The following PSG1 variants were observed in gnomAD, a reference collection of about 807,000 sequenced individuals.
The protein encoded by PSG1 is pregnancy-specific beta-1-glycoprotein 1.
PSG1 carries 60 observed loss-of-function variants against 41.4 expected under a neutral mutation model. The observed-to-expected ratio is 1.45, with a 90% CI of 1.18 to 1.80. The LOEUF (loss-of-function observed/expected upper bound fraction) is 1.80. Among genes scored for constraint, PSG1 ranks in the 40% most tolerant of loss-of-function variants. The probability of loss-of-function intolerance (pLI) is 0.00; values close to 1 mark genes in which losing one functional copy is unlikely to be tolerated. For missense variants in PSG1, 806 were observed against 516.9 expected, an observed-to-expected ratio of 1.56 and a Z score of -5.42; for synonymous variants, 256 against 192.9, an observed-to-expected ratio of 1.33 and a Z score of -2.71.
intron 2 of PSG1, among the ~76,000 whole-genome samples, chr19:42,873,342 G>A (rs1300134697): frequency 6.6e-6 from 1 of 151,666 alleles, no homozygotes; most frequent in African/African-American, 2.4e-5. Context: ...CTTCTTTTTA[G>A]CATCACATCA....
intron 3 of PSG1, 79 bp from the exon 4 acceptor site, chr19:42,869,113 A>G (rs955342735): frequency 6.3e-6 from 10 of 1,577,738 alleles, no homozygotes; most frequent in African/African-American, 1.4e-5. Context: ...CAGAGTTGGC[A>G]TCTCCCACCT....
chr19:42,868,929 A>G lies in PSG1; in HGVS notation c.815T>C (p.Ile272Thr), dbSNP rs140160829. 4.4e-3 allele frequency: 7,011 copies of G among 1,610,276 alleles called. 333 individuals are homozygous for G. The African/African-American group carries it at 0.082, about 19-fold the overall frequency. The change falls in exon 4 of 6, where the codon ATT becomes ACT. Residue 272 changes from isoleucine to threonine, a missense_variant. By Grantham distance (89) the Ile-to-Thr change is moderately conservative. Coordinates refer to ENST00000436291, the MANE Select transcript of PSG1 (RefSeq NM_001184825.2). ...GAGGCTCTGACCATTTAGCCACCAA[A>G]TGTAGGTGTAGTTCTCACTCTTAGG... ...CEPKSENYTY[I>T]WWLNGQSLPV...
intron 5 of PSG1, 53 bp from the exon 6 acceptor site, chr19:42,867,203 A>G: frequency 1.3e-6 from 1 of 764,866 alleles, no homozygotes; most frequent in Non-Finnish European, 2.4e-6. Flanking sequence ...GCAGTCTCAT[A>G]ACAGGTATAC....
At chr19:42,877,816 A>T (rs1302809613) in intron 2 of PSG1, 97 bp downstream of exon 2, 1 of 1,599,658 alleles carries the variant, frequency 6.3e-7, no homozygotes, top group East Asian at 2.2e-5. Flanking sequence ...TAACGCAGTG[A>T]GTGACACAGG....
intron 3 of PSG1, chr19:42,870,074 G>A (rs1171930825): frequency 1.3e-5 from 2 of 151,696 alleles, no homozygotes; most frequent in Non-Finnish European, 2.9e-5. Context: ...TGGTTGTCAG[G>A]AGCTGGGAGT....
At chr19:42,867,593 C>G in intron 5 of PSG1, 1 of 666,988 alleles carries the variant, frequency 1.5e-6, no homozygotes, top group Non-Finnish European at 2.7e-6. Flanking sequence ...ACAAAGAAAG[C>G]AGATTGTTAC....
At position 42,871,795 on chromosome 19, in the gene PSG1, G is replaced by A. The variant is rs1971397247; in HGVS notation, c.681C>T (p.Arg227=). ...GGAGATTCAGGGTGACTGGGTCACT[G>A]CGGCTGGCACTCACTGGGTTCCGTA... ...CEIRNPVSAS[R]SDPVTLNLLP... Residue 227 remains arginine, a synonymous_variant, in exon 3 of 6, where the codon CGC becomes CGT. Coordinates refer to ENST00000436291, the MANE Select transcript of PSG1 (RefSeq NM_001184825.2). 1 of 1,612,622 alleles carries A rather than the reference G, an allele frequency of 6.2e-7. No individual in the cohort carries two copies. The highest frequency in any genetic ancestry group is 8.5e-7 in the Non-Finnish European group (1 of 1,179,248).
intron 5 of PSG1, chr19:42,867,787 A>G (rs945824217): frequency 2.7e-6 from 3 of 1,103,076 alleles, no homozygotes; most frequent in African/African-American, 3.2e-5. Flanking sequence ...CAATGTAGAA[A>G]ACAAACCATT....
chr19:42,870,032 T>A (rs552267086), intron 3 of PSG1: 1 of 151,720 alleles, frequency 6.6e-6, no homozygotes, highest in South Asian at 2.1e-4. Context: ...CTCATGTAAG[T>A]GGATTCCAGA....
In PSG1 at chr19:42,874,409, T is replaced by C. The variant is rs993376320; in HGVS notation, c.431-2364A>G. On this transcript the variant is annotated intron_variant, in intron 2 of 5. Transcript: ENST00000436291. ...TCACCCCGGCTGCAGTGCAGTGGCA[T>C]GATCTCAGCTCACTGCAAGCTCTGC... is the stretch of plus-strand genomic sequence containing the variant. Among the ~76,000 whole-genome samples the C allele has an allele frequency of 1.6e-4, 24 of 151,612 alleles. 1 individual carries two copies. In the South Asian group the frequency reaches 4.2e-3, roughly 27 times the overall value.
At chr19:42,870,337 T>A (rs1426801912) in intron 3 of PSG1, 1 of 151,762 alleles carries the variant, frequency 6.6e-6, no homozygotes, top group African/African-American at 2.4e-5. Context: ...GCATTTCTTT[T>A]CAGCATCAGA....
At position 42,868,968 on chromosome 19, in the gene PSG1, T is replaced by C; in HGVS notation, c.776A>G (p.Asn259Ser). Residue 259 changes from asparagine (N) to serine (S), a missense_variant, in exon 4 of 6, where the codon AAC becomes AGC. Coordinates refer to ENST00000436291, the MANE Select transcript of PSG1 (RefSeq NM_001184825.2). Reference sequence around the variant, plus strand: ...CTCACTCTTAGGTTCACAGGTGAAGTTTAAGACATCCTTATTCTCCCTGGG... The same window carrying C: ...CTCACTCTTAGGTTCACAGGTGAAGCTTAAGACATCCTTATTCTCCCTGGG... Reference protein sequence around the residue: ...LNPRENKDVLNFTCEPKSENY... With the variant: ...LNPRENKDVLSFTCEPKSENY... The C allele has an allele frequency of 6.2e-7, 1 of 1,610,192 alleles. No homozygotes were observed. The highest frequency in any genetic ancestry group is 8.5e-7 in the Non-Finnish European group (1 of 1,178,910).
rs1058960 is a variant in PSG1 at position 42,877,970 on chromosome 19, T to C, written c.373A>G (p.Ile125Val). The change falls in exon 2 of 6, where the codon ATA becomes GTA. Residue 125 changes from isoleucine (I) to valine (V), a missense_variant. Ile to Val is a conservative substitution (Grantham distance 29). Coordinates refer to ENST00000436291, the MANE Select transcript of PSG1 (RefSeq NM_001184825.2). ...EDAGSYTLHI[I>V]KGDDGTRGVT... Reference sequence around the variant, plus strand: ...CCTCTAGTCCCATCATCTCCCTTTATGATGTGTAAGGTGTAGGATCCTGCG... The same window carrying C: ...CCTCTAGTCCCATCATCTCCCTTTACGATGTGTAAGGTGTAGGATCCTGCG... The C allele has an allele frequency of 6.2e-7, 1 of 1,612,432 alleles. No individual in the cohort carries two copies.
chr19:42,868,283 C>T lies in PSG1; in HGVS notation c.1061G>A (p.Cys354Tyr), dbSNP rs1361059450. 3.1e-6 allele frequency: 5 copies of T among 1,612,218 alleles called. No homozygotes were observed. The highest frequency in any genetic ancestry group is 1.7e-4 in the Middle Eastern group (1 of 6,056). The part of the protein sequence containing the change: ...YRSGEVLYLS[C>Y]SADSNPPAQY... ...TGCCGGTGGGTTAGAGTCCGCAGAA[C>T]AGGACAAGTAGAGGACTTCTCCTGA... The change falls in exon 5 of 6, where the codon TGT becomes TAT. Residue 354 changes from cysteine to tyrosine, a missense_variant. Coordinates refer to ENST00000436291, the MANE Select transcript of PSG1 (RefSeq NM_001184825.2).
rs749544954 is a variant in PSG1 at position 42,872,047 on chromosome 19, T to A, written c.431-2A>T. 2.4e-5 allele frequency: 38 copies of A among 1,607,938 alleles called. No individual in the cohort carries two copies. Among genetic ancestry groups the A allele is most frequent in the Admixed American group, 1.5e-4 (9 of 59,236 alleles). ...AGATGGAGGGCTTAGGAGTCTCCAC[T>A]GTGCAGAAAACAGGGTGAAGATTGC... On this transcript the variant is annotated splice_acceptor_variant, in intron 2 of 5. Coordinates refer to ENST00000436291, the MANE Select transcript of PSG1 (RefSeq NM_001184825.2). LOFTEE classifies it high-confidence loss of function.
chr19:42,879,456 G>C, intron 1 of PSG1, 62 bp downstream of exon 1: 1 of 1,592,292 alleles, frequency 6.3e-7, no homozygotes, highest in Non-Finnish European at 8.6e-7. Flanking sequence ...TCCTCTCCAG[G>C]AGACCCCATC....
At chr19:42,879,399 A>C (rs549109866) in intron 1 of PSG1, 119 bp downstream of exon 1, 2 of 1,456,014 alleles carry the variant, frequency 1.4e-6, no homozygotes, top group East Asian at 2.4e-5. Context: ...TGATCCACCC[A>C]CCTCAGACTC....
Position 42,877,901 on chromosome 19 carries a change from G to A in PSG1, c.430+12C>T, listed in dbSNP as rs1305601319. The A allele has an allele frequency of 3.1e-6, 5 of 1,611,830 alleles. No individual in the cohort carries two copies. The highest frequency in any genetic ancestry group is 4.5e-5 in the East Asian group (2 of 44,790). ...GTCCCCCAACACCCAGGGATCATGT[G>A]GAATCACTTACGGTGTAAGGTGAAG... is the stretch of plus-strand genomic sequence containing the variant. On this transcript the variant is annotated intron_variant, in intron 2 of 5. Transcript: ENST00000436291.
chr19:42,868,004 C>T (rs1290490204), intron 5 of PSG1, 97 bp downstream of exon 5: 12 of 1,608,298 alleles, frequency 7.5e-6, no homozygotes, highest in Middle Eastern at 2.0e-4. Flanking sequence ...GCCCATGGGA[C>T]ACAGGCTGGG....
Sources: allele counts gnomAD v4.1 joint callset (sites outside exome capture counted in the v4.1 genomes callset), GRCh38; gene constraint gnomAD v4.1.1; transcripts MANE v1.5; gene names NCBI Gene and HGNC (gene_info 2026-07-23, HGNC 2026-07-21).